SPECC1: variants seen among roughly 807,000 people sequenced by gnomAD.
The protein encoded by SPECC1 is sperm antigen with calponin homology and coiled-coil domains 1, also known as cytospin-B.
A neutral mutation model predicts 104.1 loss-of-function variants in SPECC1; 62 were observed. The ratio of observed to expected loss-of-function variants is 0.60; its 90% confidence interval spans 0.49 to 0.74. The LOEUF is 0.74. SPECC1 is among the 30% of genes least tolerant of loss of function. The pLI is 0.00. For synonymous variants in SPECC1, 513 were observed against 501.6 expected (o/e 1.02, Z -0.30); for missense variants, 1,306 against 1,310.5 (o/e 1.00, Z 0.05).
intron 12 of SPECC1, among the ~76,000 whole-genome samples, chr17:20,278,308 A>G (rs1200469196): frequency 2.6e-5 from 4 of 152,134 alleles, no homozygotes; most frequent in African/African-American, 7.2e-5. Context: ...CATATTGGAG[A>G]ATTAGAAGCA....
chr17:20,147,081 ATT>A (rs71157859), intron 3 of SPECC1, among the ~76,000 whole-genome samples: 3 of 125,672 alleles, frequency 2.4e-5, no homozygotes, highest in Admixed American at 8.2e-5. Flanking sequence ...ATGGATCGTG[ATT>A]TTTTTTTTTT....
chr17:20,189,813 GA>G (rs1452719552), intron 3 of SPECC1, among the ~76,000 whole-genome samples: 3 of 152,166 alleles, frequency 2.0e-5, no homozygotes, highest in Admixed American at 6.5e-5. Flanking sequence ...GGAGTGTGAG[GA>G]AAATTAATTT....
chr17:20,064,620 C>T (rs2046301922), intron 1 of SPECC1, among the ~76,000 whole-genome samples: 2 of 152,084 alleles, frequency 1.3e-5, no homozygotes, highest in Admixed American at 1.3e-4. Flanking sequence ...CAAGGTCATG[C>T]TACATGACCT....
At chr17:20,295,160 T>C in intron 12 of SPECC1, among the ~76,000 whole-genome samples, 2 of 128,538 alleles carry the variant, frequency 1.6e-5, no homozygotes, top group African/African-American at 2.9e-5. Context: ...CCTAATGCTA[T>C]CCCTCCCCCC....
chr17:20,295,731 A>G (rs1028565807), intron 12 of SPECC1, among the ~76,000 whole-genome samples: 2 of 152,202 alleles, frequency 1.3e-5, no homozygotes, highest in African/African-American at 4.8e-5. Flanking sequence ...GTGAGATGGT[A>G]TCTCATTGAG....
intron 7 of SPECC1, among the ~76,000 whole-genome samples, chr17:20,241,280 A>G (rs1435397294): frequency 6.6e-6 from 1 of 152,096 alleles, no homozygotes; most frequent in Admixed American, 6.5e-5. Flanking sequence ...CCCCTCATCC[A>G]TTTTAGGTGC....
At chr17:20,120,936 G>T (rs192448752) in intron 3 of SPECC1, among the ~76,000 whole-genome samples, 36 of 152,290 alleles carry the variant, frequency 2.4e-4, no homozygotes, top group African/African-American at 8.4e-4. Context: ...CTTGCCATCT[G>T]TCATGGGTGG....
Position 20,238,989 on chromosome 17 carries a change from A to G in SPECC1, c.2351+6584A>G, listed in dbSNP as rs1042444540. 11 of 1,037,182 alleles carry G rather than the reference A, an allele frequency of 1.1e-5. No homozygotes were observed. The East Asian group carries it at 5.4e-4, about 50-fold the overall frequency. 64.2% of individuals were successfully genotyped at this position (1,037,182 alleles called of 1,614,324 possible). A position where few individuals can be genotyped will look rare whatever the true frequency, so the allele number is the denominator to read the frequency against. ...TTCTGAATACAGTTTCAGAACTTCAAAGTCACATCAAGTAACTAGAATTTG... is the reference window on the plus strand; with the variant it reads ...TTCTGAATACAGTTTCAGAACTTCAGAGTCACATCAAGTAACTAGAATTTG... On this transcript the variant is annotated intron_variant, in intron 7 of 14. Coordinates refer to ENST00000395527, the MANE Select transcript of SPECC1 (RefSeq NM_001243439.2).
intron 1 of SPECC1, chr17:20,095,626 C>G (rs62067532): frequency 6.6e-6 from 1 of 152,292 alleles, no homozygotes; most frequent in Non-Finnish European, 1.5e-5. Flanking sequence ...CAGCCAGGGA[C>G]GCTAGCACTG....
At chr17:20,034,423 T>G (rs2044971766) in intron 1 of SPECC1, among the ~76,000 whole-genome samples, 2 of 151,600 alleles carry the variant, frequency 1.3e-5, no homozygotes, top group African/African-American at 4.8e-5. Flanking sequence ...ACTAAAAAAA[T>G]GTCAAACCTA....
intron 1 of SPECC1, among the ~76,000 whole-genome samples, chr17:20,096,351 G>A (rs1278205821): frequency 1.3e-5 from 2 of 152,170 alleles, no homozygotes; most frequent in Non-Finnish European, 2.9e-5. Flanking sequence ...GGTATTTGGT[G>A]GAATGCTGTC....
chr17:20,061,307 A>G (rs1021487426), intron 1 of SPECC1, among the ~76,000 whole-genome samples: 1 of 152,226 alleles, frequency 6.6e-6, no homozygotes, highest in Non-Finnish European at 1.5e-5. Flanking sequence ...CCTGACCTCA[A>G]GTGACCCACT....
intron 1 of SPECC1, among the ~76,000 whole-genome samples, chr17:20,014,132 CTG>C (rs979587614): frequency 6.6e-6 from 1 of 152,074 alleles, no homozygotes; most frequent in Non-Finnish European, 1.5e-5. Context: ...TTGGTAATTT[CTG>C]TCTTTTACCT....
Position 20,111,880 on chromosome 17 carries a change from T to C in SPECC1, c.283+1318T>C, listed in dbSNP as rs941872079. 4 of 801,216 alleles carry C rather than the reference T, an allele frequency of 5.0e-6. No individual in the cohort carries two copies. In the African/African-American group the frequency reaches 6.7e-5, roughly 13 times the overall value. The allele number at this position is 801,216 out of a possible 1,614,324, so 49.6% of individuals were successfully genotyped here. On this transcript the variant is annotated intron_variant, in intron 3 of 14. Transcript: ENST00000395527. ...GCCCCAAGAAGGGAAAGGTGGTTGC[T>C]GTATGTGGAACTTTATCTGATTTGC...
chr17:20,018,521 G>A (rs1011332957), intron 1 of SPECC1, among the ~76,000 whole-genome samples: 6 of 152,204 alleles, frequency 3.9e-5, no homozygotes, highest in African/African-American at 7.2e-5. Context: ...CTCCCAAAGC[G>A]CTGAGATTAC....
intron 2 of SPECC1, among the ~76,000 whole-genome samples, chr17:20,103,547 G>C (rs1409104335): frequency 6.6e-6 from 1 of 152,174 alleles, no homozygotes; most frequent in Non-Finnish European, 1.5e-5. Flanking sequence ...GTTCAGAATG[G>C]GAGGGACAGG....
intron 3 of SPECC1, chr17:20,185,064 C>T (rs976308806): frequency 1.3e-5 from 2 of 152,210 alleles, no homozygotes; most frequent in Admixed American, 1.3e-4. Flanking sequence ...GGTTCGATGT[C>T]TAAACACTTC....
At chr17:20,207,649 G>A (rs1362419274) in intron 4 of SPECC1, among the ~76,000 whole-genome samples, 1 of 152,108 alleles carries the variant, frequency 6.6e-6, no homozygotes, top group African/African-American at 2.4e-5. Context: ...GTACAGAAAA[G>A]TATAAAAAAG....
chr17:20,117,074 A>G (rs1017486221), intron 3 of SPECC1, among the ~76,000 whole-genome samples: 1 of 152,062 alleles, frequency 6.6e-6, no homozygotes, highest in African/African-American at 2.4e-5. Flanking sequence ...GGTGCTAGGC[A>G]GCTCAGTGGA....
Sources: allele counts gnomAD v4.1 joint callset (sites outside exome capture counted in the v4.1 genomes callset), GRCh38; gene constraint gnomAD v4.1.1; transcripts MANE v1.5; gene names NCBI Gene and HGNC (gene_info 2026-07-23, HGNC 2026-07-21).